GLYR1: variants seen among roughly 807,000 people sequenced by gnomAD.
GLYR1 encodes glyoxylate reductase 1 homolog.
A neutral mutation model predicts 72.7 loss-of-function variants in GLYR1; 21 were observed. The observed-to-expected ratio is 0.29, with a 90% CI of 0.20 to 0.42. The LOEUF is 0.42. GLYR1 is among the 10% of genes least tolerant of loss of function. The pLI is 1.00. For synonymous variants in GLYR1, 392 were observed against 270.2 expected, an observed-to-expected ratio of 1.45 and a Z score of -4.42; for missense variants, 594 against 712.1, an observed-to-expected ratio of 0.83 and a Z score of 1.89.
rs757158016 is a variant in GLYR1 at position 4,811,155 on chromosome 16, C to A, written c.1587+15G>T. The A allele has an allele frequency of 1.2e-6, 2 of 1,609,784 alleles. No individual in the cohort carries two copies. The highest frequency in any genetic ancestry group is 1.7e-5 in the Admixed American group (1 of 59,052). On this transcript the variant is annotated intron_variant, in intron 15 of 15. Transcript: ENST00000321919. ...AAACTGAAGGGCCTTGGGGCTTGGG[C>A]CACATCTACCCTACCTCATTTGCTG...
intron 15 of GLYR1, among the ~76,000 whole-genome samples, chr16:4,808,641 G>GT (rs1278552547): frequency 2.0e-5 from 3 of 150,858 alleles, no homozygotes; most frequent in Non-Finnish European, 4.4e-5. Flanking sequence ...AAATAAAAGT[G>GT]TATCAGCTGA....
intron 3 of GLYR1, among the ~76,000 whole-genome samples, chr16:4,834,146 G>A (rs758997548): frequency 6.6e-6 from 1 of 152,126 alleles, no homozygotes; most frequent in Non-Finnish European, 1.5e-5. Context: ...TGGGGTCTGT[G>A]CAAAAACACA....
chr16:4,812,384 G>A, intron 12 of GLYR1, 136 bp from the exon 13 acceptor site: 1 of 882,206 alleles, frequency 1.1e-6, no homozygotes, highest in Non-Finnish European at 1.7e-6. Context: ...CCATACCAAG[G>A]TCCTTTAGCT....
chr16:4,815,045 T>C (rs1283475785), intron 10 of GLYR1, among the ~76,000 whole-genome samples: 1 of 152,166 alleles, frequency 6.6e-6, no homozygotes, highest in African/African-American at 2.4e-5. Context: ...CGTTTTTGGG[T>C]TGTTTCTCAA....
At chr16:4,846,122 C>T (rs1232575291) in intron 2 of GLYR1, 52 bp downstream of exon 2, 8 of 1,587,834 alleles carry the variant, frequency 5.0e-6, no homozygotes, top group Admixed American at 5.0e-5. Flanking sequence ...TTACATTCTC[C>T]ACCTCTTCAA....
chr16:4,818,046 G>C (rs1329452590), intron 9 of GLYR1: 1 of 191,676 alleles, frequency 5.2e-6, no homozygotes, highest in Non-Finnish European at 1.1e-5. Context: ...CCAGGCTGGA[G>C]TGCAATGGCG....
chr16:4,816,481 A>C (rs1305218829), intron 10 of GLYR1, among the ~76,000 whole-genome samples: 1 of 152,104 alleles, frequency 6.6e-6, no homozygotes, highest in African/African-American at 2.4e-5. Flanking sequence ...TTTTTGTCTT[A>C]ATTATCAAAC....
At chr16:4,839,727 G>A (rs765890825) in intron 3 of GLYR1, 3 of 152,180 alleles carry the variant, frequency 2.0e-5, no homozygotes, top group South Asian at 2.1e-4. Flanking sequence ...TGGCAGAGAT[G>A]TGGAGAGAGA....
At chr16:4,818,002 C>CTT (rs61285093) in intron 9 of GLYR1, 6,975 of 218,974 alleles carry the variant, frequency 0.032, 23 homozygotes, top group Non-Finnish European at 0.042. Context: ...CCTTGCTGCC[C>CTT]TTTTTTTTTT....
At position 4,832,877 on chromosome 16, in the gene GLYR1, T is replaced by C. The variant is rs760493333; in HGVS notation, c.191A>G (p.His64Arg). 4.3e-6 allele frequency: 7 copies of C among 1,613,496 alleles called. No homozygotes were observed. Among genetic ancestry groups the C allele is most frequent in the Admixed American group, 3.3e-5 (2 of 59,910 alleles). ...WIKVEQLKPY[H>R]AHKEEMIKIN... The stretch of plus-strand genomic sequence containing the variant: ...TTTTATCATTTCCTCTTTATGAGCA[T>C]GATATGGCTTCAGCTGTTCCACTTT... The change falls in exon 4 of 16, where the codon CAT becomes CGT. Residue 64 changes from histidine to arginine, a missense_variant. Coordinates refer to ENST00000321919, the MANE Select transcript of GLYR1 (RefSeq NM_032569.4).
chr16:4,810,327 T>C (rs1177377911), intron 15 of GLYR1, among the ~76,000 whole-genome samples: 1 of 148,596 alleles, frequency 6.7e-6, no homozygotes. Flanking sequence ...CAAAACCCCA[T>C]CTCTACTAAA....
intron 3 of GLYR1, among the ~76,000 whole-genome samples, chr16:4,835,379 G>C (rs2085064569): frequency 6.7e-6 from 1 of 150,124 alleles, no homozygotes; most frequent in Non-Finnish European, 1.5e-5. Context: ...AAGCATTTGA[G>C]ATACTAAAAT....
intron 3 of GLYR1, chr16:4,843,597 G>A (rs991370244): frequency 3.3e-5 from 43 of 1,288,990 alleles, no homozygotes; most frequent in Non-Finnish European, 4.1e-5. Flanking sequence ...ATGGGGCTGG[G>A]TCTATCTGTA....
chr16:4,813,806 C>A lies in GLYR1; in HGVS notation c.1050G>T (p.Gly350=), dbSNP rs768918997. Residue 350 remains glycine (G), a synonymous_variant, in exon 12 of 16, where the codon GGG becomes GGT. Coordinates refer to ENST00000321919, the MANE Select transcript of GLYR1 (RefSeq NM_032569.4). ...CCACGTAGCACTTCCCAGGGCGGATCCCTTGCAGCACACCACTGGGGCCCA... is the reference window on the plus strand; with the variant it reads ...CCACGTAGCACTTCCCAGGGCGGATACCTTGCAGCACACCACTGGGGCCCA... The part of the protein sequence containing the change: ...LVLGPSGVLQ[G]IRPGKCYVDM... 6.2e-7 allele frequency: 1 copy of A among 1,613,076 alleles called. No individual in the cohort carries two copies. The highest frequency in any genetic ancestry group is 8.5e-7 in the Non-Finnish European group (1 of 1,179,600).
chr16:4,807,010 G>A (rs2083024481), intron 15 of GLYR1, among the ~76,000 whole-genome samples: 1 of 150,788 alleles, frequency 6.6e-6, no homozygotes, highest in Non-Finnish European at 1.5e-5. Flanking sequence ...GTTTCACCCT[G>A]TTAGCCAGGA....
intron 5 of GLYR1, among the ~76,000 whole-genome samples, chr16:4,825,653 CTTCT>C (rs982115682): frequency 8.1e-6 from 1 of 123,676 alleles, no homozygotes; most frequent in African/African-American, 3.2e-5. Flanking sequence ...TTATTATCAT[CTTCT>C]TTTTTTTTTT....
At chr16:4,811,984 G>A in intron 13 of GLYR1, 102 bp downstream of exon 13, 1 of 1,487,268 alleles carries the variant, frequency 6.7e-7, no homozygotes, top group Non-Finnish European at 9.0e-7. Flanking sequence ...ACCTTCCCCA[G>A]GGTCCCCGGC....
chr16:4,807,102 G>A (rs371775442), intron 15 of GLYR1, among the ~76,000 whole-genome samples: 1,641 of 140,232 alleles, frequency 0.012, 39 homozygotes, highest in African/African-American at 0.04. Context: ...CACTGCGCCT[G>A]GCCCCTTTTT....
Position 4,846,437 on chromosome 16 carries a change from C to A in GLYR1, c.39-227G>T, listed in dbSNP as rs2086072443. ...TGTTGACAAGGAATACAGAACAACA[C>A]AACTGTCAAAAGTCACTTGTCTAGA... On this transcript the variant is annotated intron_variant, in intron 1 of 15. Coordinates refer to ENST00000321919, the MANE Select transcript of GLYR1 (RefSeq NM_032569.4). 1.3e-5 allele frequency among the ~76,000 whole-genome samples: 2 copies of A among 152,236 alleles called. 1 individual carries two copies. Among genetic ancestry groups the A allele is most frequent in the South Asian group, 4.1e-4 (2 of 4,838 alleles).
Sources: gnomAD v4.1 joint callset for allele counts (sites outside exome capture counted in the v4.1 genomes callset) on GRCh38, gnomAD v4.1.1 for gene constraint, MANE v1.5 for transcripts, NCBI Gene and HGNC (gene_info 2026-07-23, HGNC 2026-07-21) for gene names.